Variants in MALL observed in about 807,000 individuals in gnomAD.
MALL encodes the protein MAL-like protein.
MALL carries 2 observed loss-of-function variants against 10.3 expected under a neutral mutation model. The observed-to-expected ratio is 0.19, with a 90% CI of 0.08 to 0.61. MALL has a LOEUF of 0.61. Ranked by LOEUF, MALL falls within the 20% of genes least tolerant of loss-of-function variation. The probability of loss-of-function intolerance (pLI) is 0.88; values close to 1 mark genes in which losing one functional copy is unlikely to be tolerated. For missense variants in MALL, 39 were observed against 115.2 expected (o/e 0.34, Z 3.03); for synonymous variants, 27 against 51.8 (o/e 0.52, Z 2.05).
chr2:110,115,423 G>C (rs1182114604), intron 1 of MALL, among the ~76,000 whole-genome samples: 2 of 151,256 alleles, frequency 1.3e-5, no homozygotes. Flanking sequence ...GCTGCGCCCC[G>C]CTGTGCGCCC....
intron 1 of MALL, among the ~76,000 whole-genome samples, chr2:110,099,490 G>A (rs1263128843): frequency 2.6e-5 from 4 of 152,156 alleles, no homozygotes; most frequent in Admixed American, 2.0e-4. Context: ...TACTCAATTA[G>A]GCCCTAGTCA....
intron 1 of MALL, among the ~76,000 whole-genome samples, chr2:110,105,459 G>T (rs1395607058): frequency 6.6e-6 from 1 of 152,226 alleles, no homozygotes; most frequent in African/African-American, 2.4e-5. Flanking sequence ...GGGCACAGAG[G>T]TTGGTGGCTC....
At chr2:110,103,926 C>T (rs1423000562) in intron 1 of MALL, among the ~76,000 whole-genome samples, 3 of 152,254 alleles carry the variant, frequency 2.0e-5, no homozygotes, top group Non-Finnish European at 2.9e-5. Flanking sequence ...GTGGTGTGGG[C>T]TCCCTCGGTG....
intron 1 of MALL, among the ~76,000 whole-genome samples, chr2:110,110,193 C>T (rs1038741611): frequency 2.2e-4 from 33 of 151,784 alleles, no homozygotes; most frequent in South Asian, 4.2e-4. Flanking sequence ...AATCCTAACC[C>T]GCAGAAGAAA....
chr2:110,095,794 G>A (rs1250054614), intron 1 of MALL, among the ~76,000 whole-genome samples: 1 of 152,080 alleles, frequency 6.6e-6, no homozygotes, highest in Admixed American at 6.5e-5. Flanking sequence ...GAGGGAGGTT[G>A]AGCCTGGATG....
chr2:110,097,621 A>G (rs1416828080), intron 1 of MALL: 1 of 448,840 alleles, frequency 2.2e-6, no homozygotes, highest in Non-Finnish European at 4.5e-6. Context: ...ACCGTGAAGG[A>G]TATGTCAAAA....
chr2:110,115,758 G>A lies in MALL; in HGVS notation c.35C>T (p.Ala12Val). ...ASPDPPATSY[A>V]PSDVPSGVAL... Reference sequence around the variant, plus strand: ...GACCCCCGAGGGCACGTCGGACGGGGCGTAGCTGGTGGCGGGCGGGTCGGG... The same window carrying A: ...GACCCCCGAGGGCACGTCGGACGGGACGTAGCTGGTGGCGGGCGGGTCGGG... Residue 12 changes from alanine to valine, a missense_variant, in exon 1 of 4, where the codon GCC (alanine) becomes GTC (valine). Coordinates refer to ENST00000272462, the MANE Select transcript of MALL (RefSeq NM_005434.5). 1 of 1,288,398 alleles carries A rather than the reference G, an allele frequency of 7.8e-7. No homozygotes were observed. The highest frequency in any genetic ancestry group is 2.9e-5 in the East Asian group (1 of 34,208). 79.8% of individuals were successfully genotyped at this position (1,288,398 alleles called of 1,614,324 possible).
intron 1 of MALL, among the ~76,000 whole-genome samples, chr2:110,113,793 G>A (rs1300019469): frequency 6.6e-6 from 1 of 152,136 alleles, no homozygotes; most frequent in African/African-American, 2.4e-5. Context: ...CACAGTATCA[G>A]TGTTAGTTTC....
chr2:110,099,019 G>A (rs1249900544), intron 1 of MALL, among the ~76,000 whole-genome samples: 1 of 151,752 alleles, frequency 6.6e-6, no homozygotes, highest in Admixed American at 6.6e-5. Context: ...AACAAGACAA[G>A]GCCTACCCTA....
chr2:110,117,805 TAAGG>T (rs1249633121), upstream of MALL, among the ~76,000 whole-genome samples: 1 of 151,996 alleles, frequency 6.6e-6, no homozygotes, highest in Non-Finnish European at 1.5e-5. Flanking sequence ...GCACAGGGGC[TAAGG>T]AAGGAAAGAA....
At chr2:110,108,985 A>G (rs1318322285) in intron 1 of MALL, among the ~76,000 whole-genome samples, 1 of 152,180 alleles carries the variant, frequency 6.6e-6, no homozygotes, top group Non-Finnish European at 1.5e-5. Context: ...TCAGACAAAC[A>G]AATGCTGAGA....
chr2:110,118,045 G>T (rs1396766295), upstream of MALL, among the ~76,000 whole-genome samples: 2 of 151,592 alleles, frequency 1.3e-5, no homozygotes, highest in Non-Finnish European at 2.9e-5. Flanking sequence ...TTGAATTCTG[G>T]TTTCCTTCCC....
At chr2:110,117,847 G>T (rs969600131), upstream of MALL, among the ~76,000 whole-genome samples, 7 of 151,918 alleles carry the variant, frequency 4.6e-5, no homozygotes, top group African/African-American at 1.2e-4. Context: ...AAAAAACAGA[G>T]ATTTTCTACA....
rs189939364 is a variant in MALL at position 110,097,169 on chromosome 2, C to G, written c.106-5399G>C. Among the ~76,000 whole-genome samples, 226 of 150,914 alleles carry G rather than the reference C, an allele frequency of 1.5e-3. 2 individuals are homozygous for G. The highest frequency in any genetic ancestry group is 5.3e-3 in the African/African-American group (218 of 41,154). ...CTCCAAGAATTTGTAAAGGCACAGA[C>G]CAGTGTACCCAGTGTGCTAGGATTT... On this transcript the variant is annotated intron_variant, in intron 1 of 3. Coordinates refer to ENST00000272462, the MANE Select transcript of MALL (RefSeq NM_005434.5).
chr2:110,108,493 GA>G (rs367925428), intron 1 of MALL, among the ~76,000 whole-genome samples: 9,229 of 139,772 alleles, frequency 0.066, 899 homozygotes, highest in African/African-American at 0.22. Context: ...CAAAGACAAA[GA>G]AAAAAAAAAA....
intron 1 of MALL, chr2:110,097,522 C>G: frequency 4.4e-6 from 2 of 456,622 alleles, no homozygotes; most frequent in Non-Finnish European, 8.8e-6. Flanking sequence ...CTGGAAGCCC[C>G]TCATGGGTGG....
chr2:110,115,387 C>T (rs553970224), intron 1 of MALL, among the ~76,000 whole-genome samples: 1 of 152,172 alleles, frequency 6.6e-6, no homozygotes, highest in East Asian at 1.9e-4. Context: ...GACGGGGCAC[C>T]GAGTGGCATC....
At chr2:110,112,624 C>T (rs935993617) in intron 1 of MALL, among the ~76,000 whole-genome samples, 9 of 151,880 alleles carry the variant, frequency 5.9e-5, no homozygotes, top group Non-Finnish European at 7.4e-5. Context: ...AACACTTCTA[C>T]CCTTCTGGTG....
intron 1 of MALL, among the ~76,000 whole-genome samples, chr2:110,110,977 A>G (rs1196770673): frequency 6.6e-6 from 1 of 152,206 alleles, no homozygotes; most frequent in Non-Finnish European, 1.5e-5. Context: ...TCACATGATC[A>G]TTTCAATAGA....
Sources: allele counts gnomAD v4.1 joint callset (sites outside exome capture counted in the v4.1 genomes callset), GRCh38; gene constraint gnomAD v4.1.1; transcripts MANE v1.5; gene names NCBI Gene and HGNC (gene_info 2026-07-23, HGNC 2026-07-21).